The following SIL1 variants were observed in gnomAD, a reference collection of about 807,000 sequenced individuals.
The protein encoded by SIL1 is SIL1 nucleotide exchange factor.
Under a neutral mutation model 49.1 loss-of-function variants are expected in SIL1, and 40 were observed. That is an observed-to-expected ratio of 0.81 (90% CI 0.63 to 1.06). The LOEUF (loss-of-function observed/expected upper bound fraction) is 1.06, where lower values mean the gene tolerates loss of function less well. Among genes scored for constraint, SIL1 ranks in the 50% least tolerant of loss-of-function variants. The pLI, the probability that SIL1 is intolerant of heterozygous loss-of-function variation, is 0.00. For missense variants in SIL1, 500 were observed against 572.6 expected (o/e 0.87, Z 1.29); for synonymous variants, 253 against 250.8 (o/e 1.01, Z -0.08).
intron 3 of SIL1, among the ~76,000 whole-genome samples, chr5:139,082,548 T>C (rs528197392): frequency 4.3e-4 from 66 of 152,324 alleles, no homozygotes; most frequent in African/African-American, 1.4e-3. Context: ...CAGACATTAT[T>C]AAAGCTCAAA....
At chr5:139,144,562 A>G (rs1751155194) in intron 1 of SIL1, among the ~76,000 whole-genome samples, 1 of 152,170 alleles carries the variant, frequency 6.6e-6, no homozygotes, top group Admixed American at 6.5e-5. Flanking sequence ...GGGATTTTTA[A>G]AGGACGAAAT....
chr5:139,191,057 C>A (rs532938604), intron 1 of SIL1, among the ~76,000 whole-genome samples: 55 of 151,928 alleles, frequency 3.6e-4, no homozygotes, highest in Middle Eastern at 3.4e-3. Flanking sequence ...CATGGTAAAA[C>A]CCCATCTCTA....
At chr5:139,009,398 G>C (rs1230967233) in intron 7 of SIL1, among the ~76,000 whole-genome samples, 1 of 147,702 alleles carries the variant, frequency 6.8e-6, no homozygotes, top group Non-Finnish European at 1.5e-5. Context: ...CACACTGATG[G>C]GTCTTGACTC....
intron 1 of SIL1, among the ~76,000 whole-genome samples, chr5:139,164,304 C>T (rs963868341): frequency 2.0e-5 from 3 of 152,076 alleles, no homozygotes; most frequent in African/African-American, 7.2e-5. Flanking sequence ...GACTCCATCC[C>T]TTCCCTCACA....
intron 1 of SIL1, among the ~76,000 whole-genome samples, chr5:139,149,572 T>C (rs1751258647): frequency 1.3e-5 from 2 of 152,052 alleles, no homozygotes; most frequent in African/African-American, 4.8e-5. Flanking sequence ...AAATCGGCAA[T>C]TACAGCAAAC....
At chr5:139,042,835 C>T (rs1443934856) in intron 4 of SIL1, 116 bp from the exon 5 acceptor site, 2 of 941,230 alleles carry the variant, frequency 2.1e-6, no homozygotes, top group South Asian at 1.3e-5. Context: ...CCCATCTCTA[C>T]AAAAAATTTA....
chr5:138,969,730 G>A (rs1157698966), intron 7 of SIL1, among the ~76,000 whole-genome samples: 1 of 152,244 alleles, frequency 6.6e-6, no homozygotes, highest in East Asian at 1.9e-4. Context: ...GCATAATGTA[G>A]CATAACAGAT....
chr5:139,092,026 A>G (rs574371084), intron 3 of SIL1, among the ~76,000 whole-genome samples: 1 of 152,314 alleles, frequency 6.6e-6, no homozygotes, highest in African/African-American at 2.4e-5. Flanking sequence ...CTAAGGACTT[A>G]GAATAGCTGA....
intron 7 of SIL1, among the ~76,000 whole-genome samples, chr5:138,966,187 C>G (rs898182462): frequency 6.6e-6 from 1 of 152,128 alleles, no homozygotes; most frequent in Non-Finnish European, 1.5e-5. Flanking sequence ...CTCAAACCCC[C>G]GTTACTGCTG....
rs182699562 is a variant in SIL1 at position 139,090,249 on chromosome 5, A to T, written c.244+30786T>A. On this transcript the variant is annotated intron_variant, in intron 3 of 9. Coordinates refer to ENST00000394817, the MANE Select transcript of SIL1 (RefSeq NM_022464.5). ...TAAGTATTCTGCCCTGACTTCCTTGAGACTGAATACCTGATGAGTTCCTGC... is the reference window on the plus strand; with the variant it reads ...TAAGTATTCTGCCCTGACTTCCTTGTGACTGAATACCTGATGAGTTCCTGC... 4.6e-5 allele frequency among the ~76,000 whole-genome samples: 7 copies of T among 152,232 alleles called. No homozygotes were observed. In the East Asian group the frequency reaches 1.4e-3, roughly 29 times the overall value.
chr5:139,192,743 A>G (rs567043864), intron 1 of SIL1, among the ~76,000 whole-genome samples: 1 of 152,150 alleles, frequency 6.6e-6, no homozygotes, highest in Non-Finnish European at 1.5e-5. Flanking sequence ...ACACTTAATA[A>G]TCCCAGTACT....
chr5:139,046,350 A>G (rs1769164935), intron 4 of SIL1, among the ~76,000 whole-genome samples: 1 of 152,122 alleles, frequency 6.6e-6, no homozygotes, highest in African/African-American at 2.4e-5. Context: ...AAATCTTCCA[A>G]TGGCTTTCCA....
intron 7 of SIL1, among the ~76,000 whole-genome samples, chr5:138,964,822 T>C (rs1432270167): frequency 6.6e-6 from 1 of 152,226 alleles, no homozygotes; most frequent in East Asian, 1.9e-4. Flanking sequence ...CCAGTTCAAG[T>C]GTGAACTGAC....
At chr5:139,078,584 C>A (rs1770003190) in intron 3 of SIL1, among the ~76,000 whole-genome samples, 2 of 152,202 alleles carry the variant, frequency 1.3e-5, no homozygotes, top group South Asian at 4.1e-4. Flanking sequence ...AGCTGCACTA[C>A]CAGTTGTGGC....
At chr5:139,056,856 G>A (rs1400964953) in intron 3 of SIL1, among the ~76,000 whole-genome samples, 4 of 152,098 alleles carry the variant, frequency 2.6e-5, no homozygotes, top group Non-Finnish European at 4.4e-5. Flanking sequence ...GATGACAATG[G>A]CGGTTTTGTG....
intron 1 of SIL1, among the ~76,000 whole-genome samples, chr5:139,188,655 C>T (rs1752116804): frequency 6.6e-6 from 1 of 152,230 alleles, no homozygotes; most frequent in African/African-American, 2.4e-5. Context: ...TGACTTTGCA[C>T]AAGGACCAGA....
chr5:139,191,359 C>A (rs1752164624), intron 1 of SIL1, among the ~76,000 whole-genome samples: 1 of 152,142 alleles, frequency 6.6e-6, no homozygotes, highest in African/African-American at 2.4e-5. Flanking sequence ...TATCGATTGT[C>A]CTACTTTATG....
intron 1 of SIL1, among the ~76,000 whole-genome samples, chr5:139,146,435 G>A (rs1351174858): frequency 6.6e-6 from 1 of 152,104 alleles, no homozygotes; most frequent in East Asian, 1.9e-4. Flanking sequence ...GCACATGCCT[G>A]TGGTCCCAGG....
intron 3 of SIL1, among the ~76,000 whole-genome samples, chr5:139,082,415 C>T (rs1032874561): frequency 1.3e-5 from 2 of 152,316 alleles, no homozygotes; most frequent in South Asian, 2.1e-4. Context: ...CAACACCTTC[C>T]CTGCCCACCC....
Sources: allele counts gnomAD v4.1 joint callset (sites outside exome capture counted in the v4.1 genomes callset), GRCh38; gene constraint gnomAD v4.1.1; transcripts MANE v1.5; gene names NCBI Gene and HGNC (gene_info 2026-07-23, HGNC 2026-07-21).